SERPINA9: variants seen among roughly 807,000 people sequenced by gnomAD.
SERPINA9 encodes the protein serpin family A member 9, also known as serpin A9.
SERPINA9 carries 32 observed loss-of-function variants against 24.5 expected under a neutral mutation model. The ratio of observed to expected loss-of-function variants is 1.30; its 90% CI spans 0.98 to 1.75. SERPINA9 has a LOEUF of 1.75. SERPINA9 is among the 40% of genes most tolerant of loss of function. The probability of loss-of-function intolerance (pLI) is 0.00; values close to 1 mark genes in which losing one functional copy is unlikely to be tolerated. For synonymous variants in SERPINA9, 233 were observed against 197.7 expected (o/e 1.18, Z -1.50); for missense variants, 594 against 497.1 (o/e 1.19, Z -1.85).
intron 1 of SERPINA9, among the ~76,000 whole-genome samples, chr14:94,474,653 A>G (rs1403765821): frequency 6.6e-6 from 1 of 152,076 alleles, no homozygotes; most frequent in African/African-American, 2.4e-5. Context: ...CAGCCCTGCC[A>G]AGGCCCTTGC....
intron 3 of SERPINA9, among the ~76,000 whole-genome samples, chr14:94,466,575 AT>A (rs1899014596): frequency 6.6e-6 from 1 of 152,108 alleles, no homozygotes; most frequent in Non-Finnish European, 1.5e-5. Context: ...TATTCTCCAT[AT>A]TTTTTGTACT....
chr14:94,471,636 T>G (rs1458381225), intron 1 of SERPINA9, among the ~76,000 whole-genome samples: 1 of 152,208 alleles, frequency 6.6e-6, no homozygotes, highest in African/African-American at 2.4e-5. Context: ...AAGTGGAATT[T>G]TCTTTCTAAG....
At chr14:94,475,577 C>T (rs1899569949) in intron 1 of SERPINA9, among the ~76,000 whole-genome samples, 1 of 152,050 alleles carries the variant, frequency 6.6e-6, no homozygotes, top group African/African-American at 2.4e-5. Context: ...TCCCAGTCGC[C>T]CCTCTCTCTC....
chr14:94,475,021 GC>G (rs1419750480), intron 1 of SERPINA9, among the ~76,000 whole-genome samples: 1 of 152,136 alleles, frequency 6.6e-6, no homozygotes, highest in East Asian at 1.9e-4. Flanking sequence ...TGAGGACCCA[GC>G]TGTTTGCATT....
At chr14:94,463,669 T>G (rs1405444707) in intron 4 of SERPINA9, among the ~76,000 whole-genome samples, 3 of 152,190 alleles carry the variant, frequency 2.0e-5, no homozygotes, top group Non-Finnish European at 4.4e-5. Context: ...ACAAAGCAAG[T>G]GCTTGTGGAC....
chr14:94,475,905 ATGGTCTCTG>A, intron 1 of SERPINA9: 1 of 578,390 alleles, frequency 1.7e-6, no homozygotes, highest in Non-Finnish European at 3.0e-6. Context: ...CTGTGTATTC[ATGGTCTCTG>A]TGGCCTTACC....
At chr14:94,465,261 A>C (rs1159164020) in intron 3 of SERPINA9, among the ~76,000 whole-genome samples, 5 of 152,212 alleles carry the variant, frequency 3.3e-5, no homozygotes, top group African/African-American at 1.2e-4. Flanking sequence ...GTCCAGCAGA[A>C]CTTCCTGTGA....
intron 1 of SERPINA9, 152 bp downstream of exon 1, chr14:94,475,984 G>A (rs577272814): frequency 2.6e-6 from 3 of 1,148,392 alleles, no homozygotes; most frequent in Non-Finnish European, 2.5e-6. Flanking sequence ...ATGTGACCCA[G>A]ATGCTACTAA....
chr14:94,464,488 T>G (rs1898898365), intron 4 of SERPINA9: 1 of 565,268 alleles, frequency 1.8e-6, no homozygotes, highest in Admixed American at 3.4e-5. Flanking sequence ...ACCTGACTGC[T>G]GAGGATGGCT....
At position 94,463,036 on chromosome 14, in the gene SERPINA9, G is replaced by A. The variant is rs1307097894; in HGVS notation, c.*57C>T. ...ACCCTCAGAACAGAAAGAGGGATGTGGTTTGTTATTTCTTGTGCATTAGCA... is the reference window on the plus strand; with the variant it reads ...ACCCTCAGAACAGAAAGAGGGATGTAGTTTGTTATTTCTTGTGCATTAGCA... On this transcript the variant is annotated 3_prime_UTR_variant, in exon 5 of 5. Coordinates refer to ENST00000674397, the MANE Select transcript of SERPINA9 (RefSeq NM_175739.4). 1 of 1,404,976 alleles carries A rather than the reference G, an allele frequency of 7.1e-7. No individual in the cohort carries two copies. Among genetic ancestry groups the A allele is most frequent in the African/African-American group, 1.4e-5 (1 of 70,978 alleles). The allele number at this position is 1,404,976 out of a possible 1,614,324, so 87.0% of individuals were successfully genotyped here.
At chr14:94,464,395 T>C in intron 4 of SERPINA9, 1 of 456,658 alleles carries the variant, frequency 2.2e-6, no homozygotes, top group East Asian at 3.6e-5. Flanking sequence ...GATGCCTGTG[T>C]GAGGGCCTAA....
At chr14:94,471,709 C>T (rs1899325601) in intron 1 of SERPINA9, among the ~76,000 whole-genome samples, 3 of 151,728 alleles carry the variant, frequency 2.0e-5, no homozygotes. Context: ...AACTGACCTC[C>T]AGAGCTGCCC....
intron 4 of SERPINA9, 171 bp downstream of exon 4, chr14:94,464,536 A>T (rs1435346789): frequency 8.3e-6 from 5 of 605,974 alleles, no homozygotes; most frequent in Non-Finnish European, 1.4e-5. Flanking sequence ...CAGATGCTGC[A>T]TGCCAGAGGG....
chr14:94,463,595 C>A (rs758875649), intron 4 of SERPINA9, among the ~76,000 whole-genome samples: 6 of 152,168 alleles, frequency 3.9e-5, no homozygotes, highest in Admixed American at 2.0e-4. Flanking sequence ...GGTTCCCGAT[C>A]TATAAAAGGT....
At chr14:94,474,907 G>A (rs1288670135) in intron 1 of SERPINA9, among the ~76,000 whole-genome samples, 1 of 151,872 alleles carries the variant, frequency 6.6e-6, no homozygotes, top group Non-Finnish European at 1.5e-5. Context: ...ACCTCACCTC[G>A]AATTCCTCAA....
chr14:94,462,889 A>G lies in SERPINA9; in HGVS notation c.*204T>C. On this transcript the variant is annotated 3_prime_UTR_variant, in exon 5 of 5. Coordinates refer to ENST00000674397, the MANE Select transcript of SERPINA9 (RefSeq NM_175739.4). Reference sequence around the variant, plus strand: ...TAGTTACCTGGGAGAATTTGTGGAAAAGGGCACTGACTGGGGTTAATGGGT... The same window carrying G: ...TAGTTACCTGGGAGAATTTGTGGAAGAGGGCACTGACTGGGGTTAATGGGT... The G allele has an allele frequency of 1.8e-6, 1 of 559,240 alleles. No individual in the cohort carries two copies. The highest frequency in any genetic ancestry group is 2.1e-5 in the South Asian group (1 of 48,178). The allele number at this position is 559,240 out of a possible 1,614,324, so 34.6% of individuals were successfully genotyped here.
chr14:94,464,129 GC>G (rs1898874508), intron 4 of SERPINA9, among the ~76,000 whole-genome samples: 1 of 152,158 alleles, frequency 6.6e-6, no homozygotes. Flanking sequence ...GTTAAAAGGG[GC>G]ACTCATAGCT....
At chr14:94,467,492 G>A in intron 2 of SERPINA9, 110 bp from the exon 3 acceptor site, 3 of 1,033,810 alleles carry the variant, frequency 2.9e-6, no homozygotes, top group Non-Finnish European at 2.8e-6. Context: ...TTCTTTTTGA[G>A]GTGACAAAAA....
intron 2 of SERPINA9, 46 bp downstream of exon 2, chr14:94,469,167 A>G: frequency 1.3e-6 from 2 of 1,542,366 alleles, no homozygotes; most frequent in Non-Finnish European, 1.8e-6. Context: ...AATCATCATC[A>G]TCATCATAAA....
Sources: allele counts gnomAD v4.1 joint callset (sites outside exome capture counted in the v4.1 genomes callset), GRCh38; gene constraint gnomAD v4.1.1; transcripts MANE v1.5; gene names NCBI Gene and HGNC (gene_info 2026-07-23, HGNC 2026-07-21).